The following METRNL variants were observed in gnomAD, a reference collection of about 807,000 sequenced individuals.
METRNL encodes the protein meteorin-like protein.
Under a neutral mutation model 17.4 loss-of-function variants are expected in METRNL, and 9 were observed. The observed-to-expected ratio is 0.52, with a 90% CI of 0.31 to 0.90. The LOEUF is 0.90. Among genes scored for constraint, METRNL ranks in the 40% least tolerant of loss-of-function variants. The pLI is 0.05. For missense variants in METRNL, 408 were observed against 430.7 expected (o/e 0.95, Z 0.47); for synonymous variants, 215 against 199.3 (o/e 1.08, Z -0.66).
intron 2 of METRNL, among the ~76,000 whole-genome samples, chr17:83,090,463 C>A (rs1438646607): frequency 0.013 from 15 of 1,156 alleles, 1 homozygote; most frequent in South Asian, 0.022. Flanking sequence ...ACACACACAC[C>A]CCCCGCCCCA....
At position 83,094,693 on chromosome 17, in the gene METRNL, G is replaced by C; in HGVS notation, c.*118G>C. The C allele has an allele frequency of 1.3e-6, 1 of 773,058 alleles. No individual in the cohort carries two copies. Among genetic ancestry groups the C allele is most frequent in the Non-Finnish European group, 1.8e-6 (1 of 558,768 alleles). 47.9% of individuals were successfully genotyped at this position (773,058 alleles called of 1,614,324 possible). A position where few individuals can be genotyped will look rare whatever the true frequency, so the allele number is the denominator to read the frequency against. ...TGGGAGCCGCATGCCCTGGGCCCAG[G>C]CCTGACCCTGGTACCGAAGCTGTGG... On this transcript the variant is annotated 3_prime_UTR_variant, in exon 4 of 4. Transcript: ENST00000320095.
At chr17:83,080,842 G>T (rs1214276481) in intron 1 of METRNL, among the ~76,000 whole-genome samples, 1 of 149,994 alleles carries the variant, frequency 6.7e-6, no homozygotes, top group Non-Finnish European at 1.5e-5. Context: ...CCTGGGTCCC[G>T]CTTCCCCTCG....
intron 2 of METRNL, among the ~76,000 whole-genome samples, chr17:83,089,588 C>T (rs558671074): frequency 7.9e-5 from 12 of 152,118 alleles, no homozygotes; most frequent in Admixed American, 7.2e-4. Flanking sequence ...GAGATGTCCA[C>T]ACCCCAGCCC....
Position 83,094,436 on chromosome 17 carries a change from A to G in METRNL, c.797A>G (p.His266Arg). 2 of 1,598,244 alleles carry G rather than the reference A, an allele frequency of 1.3e-6. No individual in the cohort carries two copies. Among genetic ancestry groups the G allele is most frequent in the South Asian group, 1.1e-5 (1 of 90,216 alleles). ...CTGGAGTGTGGCGTGCGGCCGGGGC[A>G]TGGCGACTTCCTCTTCACTGGCCAC... The part of the protein sequence containing the change: ...TLLECGVRPG[H>R]GDFLFTGHMH... The change falls in exon 4 of 4, where the codon CAT becomes CGT. Residue 266 changes from histidine to arginine, a missense_variant. By Grantham distance (29) the His-to-Arg change is conservative. Transcript: ENST00000320095.
intron 2 of METRNL, among the ~76,000 whole-genome samples, chr17:83,085,744 T>A (rs964154694): frequency 1.3e-5 from 2 of 152,234 alleles, no homozygotes; most frequent in African/African-American, 4.8e-5. Flanking sequence ...GGGCCAGTGC[T>A]GGGTCGGACG....
At chr17:83,088,123 C>T (rs62074707) in intron 2 of METRNL, among the ~76,000 whole-genome samples, 3,127 of 152,296 alleles carry the variant, frequency 0.021, 43 homozygotes, top group Non-Finnish European at 0.03. Context: ...GGGACCCGGC[C>T]CCAGGACCTT....
intron 2 of METRNL, among the ~76,000 whole-genome samples, chr17:83,090,482 CACACCCCCGCCCCACACACACACA>C (rs1568338968): frequency 7.4e-4 from 2 of 2,688 alleles, no homozygotes; most frequent in Non-Finnish European, 1.7e-3. Flanking sequence ...CACACACACA[CACACCCCCGCCCCACACACACACA>C]CCCCCGCCCC....
In METRNL at chr17:83,094,753, G is replaced by T; in HGVS notation, c.*178G>T. 2.4e-6 allele frequency: 1 copy of T among 421,368 alleles called. No individual in the cohort carries two copies. Among genetic ancestry groups the T allele is most frequent in the Non-Finnish European group, 4.1e-6 (1 of 246,592 alleles). The allele number at this position is 421,368 out of a possible 1,614,324, so 26.1% of individuals were successfully genotyped here. A position where few individuals can be genotyped will look rare whatever the true frequency, so the allele number is the denominator to read the frequency against. On this transcript the variant is annotated 3_prime_UTR_variant, in exon 4 of 4. Transcript: ENST00000320095. ...CCACACTCAACCCCATGAGCTTCCA[G>T]CCAAGGATGCCCTGGCCGATTGGAA...
At chr17:83,087,061 GC>G (rs1021678840) in intron 2 of METRNL, among the ~76,000 whole-genome samples, 2 of 152,126 alleles carry the variant, frequency 1.3e-5, no homozygotes, top group African/African-American at 4.8e-5. Flanking sequence ...AGTGACTTGA[GC>G]CCCAAGGGAC....
rs2037958746 is a variant in METRNL, at chr17:83,079,744, C to G, written c.-72C>G. The G allele has an allele frequency of 1.4e-6, 1 of 717,612 alleles. No homozygotes were observed. The highest frequency in any genetic ancestry group is 1.7e-6 in the Non-Finnish European group (1 of 589,680). 44.5% of individuals were successfully genotyped at this position (717,612 alleles called of 1,614,324 possible). A position where few individuals can be genotyped will look rare whatever the true frequency, so the allele number is the denominator to read the frequency against. ...ACTCGAAGCCCGCCCCGCCCCCGCC[C>G]GGCTCGCCGGCTCCGGGGTCTGCTC... On this transcript the variant is annotated 5_prime_UTR_variant, in exon 1 of 4. Coordinates refer to ENST00000320095, the MANE Select transcript of METRNL (RefSeq NM_001004431.3).
chr17:83,093,292 G>C, intron 3 of METRNL, 66 bp downstream of exon 3: 4 of 1,378,396 alleles, frequency 2.9e-6, no homozygotes, highest in African/African-American at 1.4e-5. Context: ...AGCTGTTTGG[G>C]CCCAGGAGTC....
chr17:83,091,775 C>T (rs578096181), intron 2 of METRNL, among the ~76,000 whole-genome samples: 2 of 152,342 alleles, frequency 1.3e-5, no homozygotes, highest in African/African-American at 4.8e-5. Context: ...GCCTTCAGAA[C>T]GTGAAATGGC....
At chr17:83,080,927 G>A (rs1312729470) in intron 1 of METRNL, among the ~76,000 whole-genome samples, 1 of 151,352 alleles carries the variant, frequency 6.6e-6, no homozygotes, top group Non-Finnish European at 1.5e-5. Context: ...GCTGTTTTCC[G>A]AGAAGGTCGG....
At chr17:83,085,472 C>A in intron 2 of METRNL, 149 bp downstream of exon 2, 1 of 1,119,670 alleles carries the variant, frequency 8.9e-7, no homozygotes, top group Non-Finnish European at 1.2e-6. Flanking sequence ...GACTGTTTTG[C>A]CTGAAGAGCC....
At chr17:83,087,976 G>A (rs576392538) in intron 2 of METRNL, among the ~76,000 whole-genome samples, 4 of 152,322 alleles carry the variant, frequency 2.6e-5, no homozygotes, top group East Asian at 1.9e-4. Flanking sequence ...GGTGGGTTTC[G>A]TTGGTGTGAT....
At chr17:83,080,601 CTTTTTTT>C (rs563834169) in intron 1 of METRNL, among the ~76,000 whole-genome samples, 1,130 of 52,162 alleles carry the variant, frequency 0.022, 57 homozygotes, top group Admixed American at 0.13. Flanking sequence ...CGGCCGAGGA[CTTTTTTT>C]TTTTTTTTTT....
At chr17:83,093,059 C>T in intron 2 of METRNL, 108 bp from the exon 3 acceptor site, 1 of 875,754 alleles carries the variant, frequency 1.1e-6, no homozygotes, top group South Asian at 1.5e-5. Context: ...ACGTGGACAC[C>T]CTCCCTGACT....
chr17:83,081,105 G>A (rs2037981018), intron 1 of METRNL, among the ~76,000 whole-genome samples: 1 of 151,818 alleles, frequency 6.6e-6, no homozygotes, highest in South Asian at 2.1e-4. Context: ...CGCCCCGAGG[G>A]CCGTGGGCGG....
intron 2 of METRNL, 114 bp downstream of exon 2, chr17:83,085,437 C>G: frequency 7.4e-7 from 1 of 1,347,008 alleles, no homozygotes; most frequent in Non-Finnish European, 1.0e-6. Context: ...TGGTGAAAAC[C>G]CTTCTGTGTC....
Sources: allele counts gnomAD v4.1 joint callset (sites outside exome capture counted in the v4.1 genomes callset), GRCh38; gene constraint gnomAD v4.1.1; transcripts MANE v1.5; gene names NCBI Gene and HGNC (gene_info 2026-07-23, HGNC 2026-07-21).